AKAP19: variants seen among roughly 807,000 people sequenced by gnomAD.
The protein encoded by AKAP19 is A-kinase anchoring protein 19.
At chr2:190,177,263 G>A in the AKAP19 span, among the ~76,000 whole-genome samples, 10 of 152,130 alleles carry the variant, frequency 6.6e-5, no homozygotes, top group Non-Finnish European at 8.8e-5. The surrounding 1 kb of genome is among the most constrained non-coding windows in gnomAD (Gnocchi z 4.6). Flanking sequence ...AGCAGGTGGG[G>A]AGTTAGTGTC....
At chr2:190,089,039 G>T in the AKAP19 span, among the ~76,000 whole-genome samples, 1 of 152,116 alleles carries the variant, frequency 6.6e-6, no homozygotes, top group Admixed American at 6.6e-5. Flanking sequence ...CTCCAGCAGG[G>T]GTCACTATAG....
At chr2:189,921,858 T>A in the AKAP19 span, among the ~76,000 whole-genome samples, 1 of 152,158 alleles carries the variant, frequency 6.6e-6, no homozygotes, top group Admixed American at 6.6e-5. Context: ...TAAACAGATA[T>A]TATGAACACC....
chr2:189,883,689 A>G, the AKAP19 span, among the ~76,000 whole-genome samples: 2 of 152,126 alleles, frequency 1.3e-5, no homozygotes, highest in East Asian at 3.9e-4. Flanking sequence ...CAAAATCACT[A>G]TAACAAACTC....
chr2:189,960,912 C>T, the AKAP19 span, among the ~76,000 whole-genome samples: 1 of 152,178 alleles, frequency 6.6e-6, no homozygotes, highest in Non-Finnish European at 1.5e-5. Flanking sequence ...AACTCTGACT[C>T]CAGACTAGAA....
chr2:190,129,790 C>A, the AKAP19 span, among the ~76,000 whole-genome samples: 1 of 152,078 alleles, frequency 6.6e-6, no homozygotes, highest in African/African-American at 2.4e-5. Context: ...CATGAATAAT[C>A]TCACAAAGAT....
the AKAP19 span, among the ~76,000 whole-genome samples, chr2:190,125,483 G>C: frequency 3.1e-4 from 47 of 152,190 alleles, no homozygotes; most frequent in African/African-American, 1.1e-3. Flanking sequence ...TTTCTACAAA[G>C]TATAGATTTT....
At chr2:190,194,792 C>T in the AKAP19 span, among the ~76,000 whole-genome samples, 1 of 151,878 alleles carries the variant, frequency 6.6e-6, no homozygotes, top group Non-Finnish European at 1.5e-5. Context: ...ACAGCATGTA[C>T]CCCTTTCAGA....
the AKAP19 span, among the ~76,000 whole-genome samples, chr2:190,019,102 C>T: frequency 6.6e-6 from 1 of 152,306 alleles, no homozygotes; most frequent in Middle Eastern, 3.4e-3. Context: ...GGATAGATGG[C>T]AGCAGCCACT....
At chr2:190,017,396 CT>C in the AKAP19 span, among the ~76,000 whole-genome samples, 2 of 151,938 alleles carry the variant, frequency 1.3e-5, no homozygotes, top group Non-Finnish European at 2.9e-5. Context: ...TAGTGGAATG[CT>C]TTTAATCTTT....
the AKAP19 span, among the ~76,000 whole-genome samples, chr2:190,078,588 ATAAT>A: frequency 2.6e-5 from 4 of 152,190 alleles, no homozygotes; most frequent in Non-Finnish European, 5.9e-5. Context: ...AACCTCACTC[ATAAT>A]TAAATAAGAA....
chr2:189,950,366 G>T, the AKAP19 span, among the ~76,000 whole-genome samples: 1 of 144,570 alleles, frequency 6.9e-6, no homozygotes, highest in Non-Finnish European at 1.5e-5. Flanking sequence ...TTTAAGGTTA[G>T]GTAATGAACC....
At chr2:189,933,846 C>T in the AKAP19 span, among the ~76,000 whole-genome samples, 8 of 152,068 alleles carry the variant, frequency 5.3e-5, no homozygotes, top group Non-Finnish European at 1.2e-4. Context: ...TTTTGGACTA[C>T]TTGATATGCC....
chr2:190,164,855 G>T, the AKAP19 span, among the ~76,000 whole-genome samples: 1 of 152,148 alleles, frequency 6.6e-6, no homozygotes, highest in Non-Finnish European at 1.5e-5. Flanking sequence ...ATGCTAGCAG[G>T]CATTTCCAGT....
the AKAP19 span, among the ~76,000 whole-genome samples, chr2:190,061,155 T>C: frequency 6.6e-6 from 1 of 152,076 alleles, no homozygotes; most frequent in Non-Finnish European, 1.5e-5. Flanking sequence ...ACCTATTTGA[T>C]AGCAGAGTCT....
chr2:189,958,582 G>C, the AKAP19 span, among the ~76,000 whole-genome samples: 1 of 149,440 alleles, frequency 6.7e-6, no homozygotes, highest in Admixed American at 6.7e-5. Flanking sequence ...AAATGTGTGT[G>C]TGTATATACA....
the AKAP19 span, chr2:190,057,155 A>G: frequency 1.6e-6 from 2 of 1,253,962 alleles, no homozygotes; most frequent in South Asian, 1.3e-5. Context: ...TGACTGTAGC[A>G]TACTCTAGGC....
chr2:189,952,850 A>G, the AKAP19 span, among the ~76,000 whole-genome samples: 1 of 152,230 alleles, frequency 6.6e-6, no homozygotes, highest in Non-Finnish European at 1.5e-5. Context: ...TTATATAACT[A>G]TAATGATCAT....
At chr2:190,151,959 T>C in the AKAP19 span, among the ~76,000 whole-genome samples, 143,799 of 151,860 alleles carry the variant, frequency 0.95, 68,591 homozygotes, top group East Asian at 1. Context: ...GCTGGGATTG[T>C]GCCACTGCAC....
chr2:190,181,686 T>C, the AKAP19 span, among the ~76,000 whole-genome samples: 1 of 152,214 alleles, frequency 6.6e-6, no homozygotes, highest in African/African-American at 2.4e-5. Flanking sequence ...TTTAGGGAAT[T>C]AGGTTAACAT....
Sources: allele counts gnomAD v4.1 joint callset (sites outside exome capture counted in the v4.1 genomes callset), GRCh38; gene constraint gnomAD v4.1.1; non-coding constraint Gnocchi (gnomAD v3.1); transcripts MANE v1.5; gene names NCBI Gene and HGNC (gene_info 2026-07-23, HGNC 2026-07-21).